WDR25: variants seen among roughly 807,000 people sequenced by gnomAD.
WDR25 encodes the protein WD repeat domain 25, also known as WD repeat-containing protein 25.
Under a neutral mutation model 47.7 loss-of-function variants are expected in WDR25, and 35 were observed. That is an observed-to-expected ratio of 0.73 (90% CI 0.56 to 0.97). The LOEUF (loss-of-function observed/expected upper bound fraction) is 0.97, where lower values mean the gene tolerates loss of function less well. Ranked by LOEUF, WDR25 falls within the 50% of genes least tolerant of loss-of-function variation. WDR25 has a pLI of 0.00. For synonymous variants in WDR25, 248 were observed against 278.9 expected (o/e 0.89, Z 1.10); for missense variants, 634 against 704.7 (o/e 0.90, Z 1.14).
In WDR25 at chr14:100,529,826, G is replaced by T; in HGVS notation, c.1420G>T (p.Gly474Cys). ...RRRYEGHKVE[G>C]YSVGCECSPG... Reference sequence around the variant, plus strand: ...ACTGTGTCCCTCTCTGCAGGTGGAGGGCTACTCAGTGGGCTGCGAGTGCTC... The same window carrying T: ...ACTGTGTCCCTCTCTGCAGGTGGAGTGCTACTCAGTGGGCTGCGAGTGCTC... Residue 474 changes from glycine to cysteine, a missense_variant, in exon 7 of 7, where the codon GGC becomes TGC. Coordinates refer to ENST00000402312, the MANE Select transcript of WDR25 (RefSeq NM_001161476.3). This position sits in a 1 kb window ranked among gnomAD's most constrained non-coding sequence, Gnocchi z 5.1. 6.2e-7 allele frequency: 1 copy of T among 1,611,752 alleles called. No homozygotes were observed. Among genetic ancestry groups the T allele is most frequent in the South Asian group, 1.1e-5 (1 of 91,006 alleles).
intron 3 of WDR25, among the ~76,000 whole-genome samples, chr14:100,478,070 G>A (rs1410818624): frequency 1.3e-5 from 2 of 151,638 alleles, no homozygotes; most frequent in Non-Finnish European, 2.9e-5. Flanking sequence ...CAGCCTGGGC[G>A]ACAGAGCGAG....
chr14:100,511,359 G>A (rs181890012), intron 4 of WDR25, among the ~76,000 whole-genome samples: 1 of 152,288 alleles, frequency 6.6e-6, no homozygotes, highest in Non-Finnish European at 1.5e-5. Flanking sequence ...TTGTGGCTAT[G>A]TGAATTTTCA....
At chr14:100,405,834 TC>T (rs1897520489) in intron 2 of WDR25, among the ~76,000 whole-genome samples, 1 of 152,158 alleles carries the variant, frequency 6.6e-6, no homozygotes, top group Non-Finnish European at 1.5e-5. Context: ...GAAACGCCAC[TC>T]CCGAGGAAAC....
chr14:100,464,505 G>A (rs2140290313), intron 2 of WDR25, among the ~76,000 whole-genome samples: 1 of 152,270 alleles, frequency 6.6e-6, no homozygotes, highest in East Asian at 1.9e-4. Context: ...CTGGCTAATA[G>A]CAGGTCCTCA....
chr14:100,447,092 G>T (rs150885104), intron 2 of WDR25, among the ~76,000 whole-genome samples: 1 of 152,274 alleles, frequency 6.6e-6, no homozygotes, highest in Non-Finnish European at 1.5e-5. Context: ...AAATTTCTGG[G>T]CTCCATTTAT....
intron 2 of WDR25, among the ~76,000 whole-genome samples, chr14:100,418,362 C>T (rs776207780): frequency 4.2e-4 from 63 of 151,244 alleles, no homozygotes; most frequent in East Asian, 8.0e-4. Flanking sequence ...GGCCGGGCAC[C>T]GTGGCTCATG....
intron 2 of WDR25, among the ~76,000 whole-genome samples, chr14:100,413,506 C>A (rs1161314443): frequency 6.6e-6 from 1 of 152,018 alleles, no homozygotes; most frequent in East Asian, 1.9e-4. Context: ...CTCCGCCTCC[C>A]GGGTTCACGC....
intron 3 of WDR25, among the ~76,000 whole-genome samples, chr14:100,479,261 C>A (rs909867365): frequency 1.3e-5 from 2 of 152,100 alleles, no homozygotes; most frequent in African/African-American, 2.4e-5. Flanking sequence ...AAGGGGACAG[C>A]CCTCTGCCTG....
chr14:100,453,186 C>G (rs1382954612), intron 2 of WDR25, among the ~76,000 whole-genome samples: 1 of 152,172 alleles, frequency 6.6e-6, no homozygotes, highest in Non-Finnish European at 1.5e-5. Context: ...GTTAGTCTGG[C>G]TTTGCATTGT....
intron 4 of WDR25, among the ~76,000 whole-genome samples, chr14:100,521,906 C>T (rs570837123): frequency 6.6e-6 from 1 of 152,340 alleles, no homozygotes; most frequent in Non-Finnish European, 1.5e-5. Flanking sequence ...AGATACCTAA[C>T]ACCCCCAGAG....
chr14:100,427,880 A>C (rs1595527566), intron 2 of WDR25, among the ~76,000 whole-genome samples: 1 of 152,152 alleles, frequency 6.6e-6, no homozygotes, highest in African/African-American at 2.4e-5. Flanking sequence ...CAGTGTCAGG[A>C]GATGACTCCC....
intron 2 of WDR25, among the ~76,000 whole-genome samples, chr14:100,461,687 C>T (rs564324556): frequency 2.0e-5 from 3 of 152,262 alleles, no homozygotes; most frequent in Non-Finnish European, 2.9e-5. Flanking sequence ...CAGGCTTGTG[C>T]TGAACTGTGT....
At chr14:100,474,813 G>C (rs1325444953) in intron 3 of WDR25, among the ~76,000 whole-genome samples, 39 of 152,202 alleles carry the variant, frequency 2.6e-4, no homozygotes, top group Admixed American at 2.4e-3. Flanking sequence ...AAACTAAAAA[G>C]CTTCTGCACA....
At chr14:100,454,957 T>C (rs1441855963) in intron 2 of WDR25, 1 of 154,024 alleles carries the variant, frequency 6.5e-6, no homozygotes, top group Non-Finnish European at 1.4e-5. Flanking sequence ...CAGAGGAGCA[T>C]AAAAGAATTT....
At chr14:100,426,546 G>A (rs117579598) in intron 2 of WDR25, among the ~76,000 whole-genome samples, 62 of 152,368 alleles carry the variant, frequency 4.1e-4, no homozygotes, top group Non-Finnish European at 5.9e-4. Context: ...CATTTGTCAA[G>A]TGTTCTCCGC....
chr14:100,377,420 C>A (rs1896731439), intron 1 of WDR25, among the ~76,000 whole-genome samples: 1 of 152,134 alleles, frequency 6.6e-6, no homozygotes, highest in South Asian at 2.1e-4. Flanking sequence ...CGGCCTCAGC[C>A]TCCAGAGTAG....
chr14:100,525,626 T>G lies in WDR25; in HGVS notation c.1102-244T>G, dbSNP rs1321400991. Among the ~76,000 whole-genome samples the G allele has an allele frequency of 6.6e-6, 1 of 152,160 alleles. No homozygotes were observed. The highest frequency in any genetic ancestry group is 1.9e-4 in the East Asian group (1 of 5,192). Reference sequence around the variant, plus strand: ...TGCTGCTCTCAAGGGGTGATAGGGATGCCTCTCTGGACCCATGTGGCAATA... The same window carrying G: ...TGCTGCTCTCAAGGGGTGATAGGGAGGCCTCTCTGGACCCATGTGGCAATA... On this transcript the variant is annotated intron_variant, in intron 4 of 6. Coordinates refer to ENST00000402312, the MANE Select transcript of WDR25 (RefSeq NM_001161476.3). The surrounding 1 kb of genome is among the most constrained non-coding windows in gnomAD (Gnocchi z 4.6).
intron 4 of WDR25, among the ~76,000 whole-genome samples, chr14:100,520,460 G>A (rs6575786): frequency 0.56 from 85,219 of 152,022 alleles, 27,591 homozygotes; most frequent in African/African-American, 0.89. Context: ...TTTGTTCACA[G>A]TGTATATCTA....
chr14:100,424,332 G>A lies in WDR25; in HGVS notation c.822+42586G>A, dbSNP rs542139851. Among the ~76,000 whole-genome samples the A allele has an allele frequency of 2.6e-5, 4 of 152,324 alleles. No homozygotes were observed. Among genetic ancestry groups the A allele is most frequent in the African/African-American group, 9.6e-5 (4 of 41,564 alleles). On this transcript the variant is annotated intron_variant, in intron 2 of 6. Transcript: ENST00000402312. This position sits in a 1 kb window ranked among gnomAD's most constrained non-coding sequence, Gnocchi z 4.2. ...TTAGCCTCTGTTTCCATGACAGACT[G>A]TTCACAGCCTCACAGTTTGCATCCC...
Sources: gnomAD v4.1 joint callset for allele counts (sites outside exome capture counted in the v4.1 genomes callset) on GRCh38, gnomAD v4.1.1 for gene constraint, Gnocchi (gnomAD v3.1) non-coding constraint, MANE v1.5 for transcripts, NCBI Gene and HGNC (gene_info 2026-07-23, HGNC 2026-07-21) for gene names.